Variants in CIB4 observed in about 807,000 individuals in gnomAD.
CIB4 encodes calcium and integrin-binding family member 4.
Under a neutral mutation model 25.8 loss-of-function variants are expected in CIB4, and 25 were observed. The ratio of observed to expected loss-of-function variants is 0.97; its 90% CI spans 0.71 to 1.35. The LOEUF is 1.35. Among genes scored for constraint, CIB4 ranks in the 40% most tolerant of loss-of-function variants. CIB4 has a pLI of 0.00. For synonymous variants in CIB4, 75 were observed against 81.4 expected (o/e 0.92, Z 0.42); for missense variants, 235 against 228.2 (o/e 1.03, Z -0.19).
chr2:26,598,520 T>A (rs758262215), intron 3 of CIB4, among the ~76,000 whole-genome samples: 1 of 151,960 alleles, frequency 6.6e-6, no homozygotes, highest in Non-Finnish European at 1.5e-5. Flanking sequence ...CAGTGAGGAA[T>A]CCGAGTATGG....
chr2:26,617,147 T>TGTGTGTGCGC (rs10665609), intron 3 of CIB4, among the ~76,000 whole-genome samples: 18 of 150,410 alleles, frequency 1.2e-4, no homozygotes, highest in African/African-American at 3.7e-4. Context: ...TGTGTGTGTG[T>TGTGTGTGCGC]GCACGTGAGC....
intron 4 of CIB4, among the ~76,000 whole-genome samples, chr2:26,589,910 G>A (rs1412502407): frequency 7.9e-5 from 12 of 152,244 alleles, no homozygotes; most frequent in Non-Finnish European, 1.8e-4. Context: ...CTGAAATGAA[G>A]ATGAGATGTC....
At chr2:26,614,825 C>G (rs763687081) in intron 3 of CIB4, among the ~76,000 whole-genome samples, 12 of 152,248 alleles carry the variant, frequency 7.9e-5, no homozygotes, top group Non-Finnish European at 1.6e-4. Context: ...GAAGCTGAGG[C>G]TCCGGGAAGT....
intron 4 of CIB4, among the ~76,000 whole-genome samples, chr2:26,584,865 C>T (rs1668420471): frequency 6.6e-6 from 1 of 152,086 alleles, no homozygotes; most frequent in African/African-American, 2.4e-5. Context: ...CTGGGGGCCG[C>T]ACTGACTCCC....
At chr2:26,628,475 G>T (rs1214548411) in intron 3 of CIB4, among the ~76,000 whole-genome samples, 1 of 152,176 alleles carries the variant, frequency 6.6e-6, no homozygotes, top group Non-Finnish European at 1.5e-5. Flanking sequence ...TTTGTGGGGG[G>T]TGGGAGTGTG....
chr2:26,583,776 C>T lies in CIB4; in HGVS notation c.438+13G>A, dbSNP rs375445557. On this transcript the variant is annotated intron_variant, in intron 5 of 6. Coordinates refer to ENST00000288861, the MANE Select transcript of CIB4 (RefSeq NM_001029881.3). ...CCGGCCCCAGCCACCAACTCCCAGCCCCCAGCACACACGTGGTTCGTGAGG... is the reference window on the plus strand; with the variant it reads ...CCGGCCCCAGCCACCAACTCCCAGCTCCCAGCACACACGTGGTTCGTGAGG... 15 of 1,562,258 alleles carry T rather than the reference C, an allele frequency of 9.6e-6. No homozygotes were observed. The African/African-American group carries it at 1.4e-4, about 14-fold the overall frequency.
At chr2:26,630,974 C>A (rs1418040170) in intron 2 of CIB4, among the ~76,000 whole-genome samples, 1 of 152,114 alleles carries the variant, frequency 6.6e-6, no homozygotes, top group Non-Finnish European at 1.5e-5. Flanking sequence ...ATGGTCCCCT[C>A]CATGCTCCAA....
intron 4 of CIB4, among the ~76,000 whole-genome samples, chr2:26,594,265 C>T (rs953207581): frequency 1.3e-5 from 2 of 152,170 alleles, no homozygotes; most frequent in African/African-American, 2.4e-5. Flanking sequence ...GGAGGGGACT[C>T]TGTGATTTCA....
chr2:26,581,521 G>A, intron 6 of CIB4, 128 bp from the exon 7 acceptor site: 2 of 906,738 alleles, frequency 2.2e-6, no homozygotes, highest in Non-Finnish European at 3.5e-6. Context: ...CTGGGTGACG[G>A]CCACTTTGCA....
chr2:26,600,717 C>G (rs929751897), intron 3 of CIB4, among the ~76,000 whole-genome samples: 3 of 152,134 alleles, frequency 2.0e-5, no homozygotes, highest in African/African-American at 7.2e-5. Context: ...TTTAAAACTC[C>G]CCTCAGATAT....
In CIB4 at chr2:26,640,475, G is replaced by A. The variant is rs1669614148; in HGVS notation, c.89+58C>T. The A allele has an allele frequency of 1.7e-5, 26 of 1,562,802 alleles. No individual in the cohort carries two copies. The South Asian group carries it at 2.8e-4, about 17-fold the overall frequency. ...CCAGCGTGAGGCTGTATTAGGGCAA[G>A]AATCCAGCTCAGAGGGAGGAGCTGG... is the stretch of plus-strand genomic sequence containing the variant. On this transcript the variant is annotated intron_variant, in intron 2 of 6. Transcript: ENST00000288861.
At position 26,592,103 on chromosome 2, in the gene CIB4, A is replaced by G. The variant is rs1668596252; in HGVS notation, c.328+3073T>C. On this transcript the variant is annotated intron_variant, in intron 4 of 6. Coordinates refer to ENST00000288861, the MANE Select transcript of CIB4 (RefSeq NM_001029881.3). ...CTCTAAGCTTGTGGTAATTTCTTACACAATGGAAAACTCATCTAGTGCTGG... is the reference window on the plus strand; with the variant it reads ...CTCTAAGCTTGTGGTAATTTCTTACGCAATGGAAAACTCATCTAGTGCTGG... 2.0e-5 allele frequency among the ~76,000 whole-genome samples: 3 copies of G among 152,270 alleles called. No individual in the cohort carries two copies. In the South Asian group the frequency reaches 6.2e-4, roughly 32 times the overall value.
chr2:26,596,642 G>A (rs1254438163), intron 3 of CIB4, among the ~76,000 whole-genome samples: 1 of 152,046 alleles, frequency 6.6e-6, no homozygotes, highest in Non-Finnish European at 1.5e-5. Context: ...AGCTACTCGG[G>A]AGGCTGAGGC....
intron 2 of CIB4, among the ~76,000 whole-genome samples, chr2:26,638,407 C>A (rs966076701): frequency 5.3e-5 from 8 of 152,108 alleles, no homozygotes; most frequent in Admixed American, 4.6e-4. Flanking sequence ...CTCCGAAGGC[C>A]AAGGCAGAAC....
At chr2:26,607,577 G>A (rs984210317) in intron 3 of CIB4, among the ~76,000 whole-genome samples, 1 of 152,174 alleles carries the variant, frequency 6.6e-6, no homozygotes, top group African/African-American at 2.4e-5. Context: ...TGTAAAATGG[G>A]TAAAGTCATA....
intron 2 of CIB4, among the ~76,000 whole-genome samples, chr2:26,632,547 A>T (rs1050007545): frequency 6.6e-5 from 10 of 152,136 alleles, no homozygotes; most frequent in African/African-American, 2.4e-4. Context: ...ACTGGAGGTC[A>T]GGAGTTCGAG....
intron 3 of CIB4, among the ~76,000 whole-genome samples, chr2:26,625,828 G>A (rs1181280212): frequency 6.6e-6 from 1 of 152,224 alleles, no homozygotes; most frequent in Non-Finnish European, 1.5e-5. Flanking sequence ...GCCCTAAACG[G>A]CATTGACTAC....
At chr2:26,601,231 A>AAATATATAT (rs1395827334) in intron 3 of CIB4, among the ~76,000 whole-genome samples, 1 of 17,228 alleles carries the variant, frequency 5.8e-5, no homozygotes, top group African/African-American at 1.5e-4. Context: ...AAAAAAAAAA[A>AAATATATAT]ATATATATAT....
chr2:26,640,037 C>T (rs1669605729), intron 2 of CIB4, among the ~76,000 whole-genome samples: 1 of 149,180 alleles, frequency 6.7e-6, no homozygotes, highest in South Asian at 2.2e-4. Context: ...GGGAGCGGGG[C>T]TGCTCACCAC....
Sources: gnomAD v4.1 joint callset for allele counts (sites outside exome capture counted in the v4.1 genomes callset) on GRCh38, gnomAD v4.1.1 for gene constraint, MANE v1.5 for transcripts, NCBI Gene and HGNC (gene_info 2026-07-23, HGNC 2026-07-21) for gene names.